Variants in PGM2L1 observed in about 807,000 individuals in gnomAD.
PGM2L1 encodes the protein glucose 1,6-bisphosphate synthase.
In PGM2L1, 35 loss-of-function variants were observed where a neutral mutation model predicts 73.4. The ratio of observed to expected loss-of-function variants is 0.48; its 90% CI spans 0.36 to 0.63. The LOEUF (loss-of-function observed/expected upper bound fraction) is 0.63, where lower values mean the gene tolerates loss of function less well. Among genes scored for constraint, PGM2L1 ranks in the 30% least tolerant of loss-of-function variants. The probability of loss-of-function intolerance (pLI) is 0.00; values close to 1 mark genes in which losing one functional copy is unlikely to be tolerated. For synonymous variants in PGM2L1, 225 were observed against 253.8 expected (o/e 0.89, Z 1.08); for missense variants, 570 against 742.0 (o/e 0.77, Z 2.69).
chr11:74,341,646 C>G (rs1862183676), intron 12 of PGM2L1, among the ~76,000 whole-genome samples: 1 of 135,232 alleles, frequency 7.4e-6, no homozygotes, highest in South Asian at 2.3e-4. Context: ...AAGCTGAGAT[C>G]ATGCCACTGC....
At chr11:74,344,889 A>G (rs2134887419) in intron 9 of PGM2L1, among the ~76,000 whole-genome samples, 1 of 152,322 alleles carries the variant, frequency 6.6e-6, no homozygotes, top group East Asian at 1.9e-4. Flanking sequence ...CTCAAGAAAA[A>G]TGTCCAGGGA....
rs370535898 is a variant in PGM2L1, at chr11:74,336,601, G to A, written c.*51C>T. On this transcript the variant is annotated 3_prime_UTR_variant, in exon 14 of 14. Coordinates refer to ENST00000298198, the MANE Select transcript of PGM2L1 (RefSeq NM_173582.6). ...ACAAGGTTCAATGTATGCAGTTCTC[G>A]GTTGCTCTGTTCCATATGCCCACAC... 43 of 1,240,418 alleles carry A rather than the reference G, an allele frequency of 3.5e-5. No individual in the cohort carries two copies. The highest frequency in any genetic ancestry group is 9.7e-5 in the East Asian group (4 of 41,394). 76.8% of individuals were successfully genotyped at this position (1,240,418 alleles called of 1,614,324 possible).
Position 74,351,422 on chromosome 11 carries a change from C to T in PGM2L1, c.710G>A (p.Arg237Lys). ...CTTTTTCAGATCTTCCATGTATCTC[C>T]TGCAAATGTCCTGCAGAGGGTCTCT... ...LKRDPLQDICRRYMEDLKKIC... is the reference protein window; with the variant it reads ...LKRDPLQDICKRYMEDLKKIC... Residue 237 changes from arginine (R) to lysine (K), a missense_variant, in exon 6 of 14, where the codon AGG (arginine) becomes AAG (lysine). Arg to Lys is a conservative substitution (Grantham distance 26). Transcript: ENST00000298198. The T allele has an allele frequency of 1.9e-6, 3 of 1,613,830 alleles. No individual in the cohort carries two copies. The highest frequency in any genetic ancestry group is 3.3e-5 in the Admixed American group (2 of 59,926).
At position 74,334,560 on chromosome 11, in the gene PGM2L1, G is replaced by A. The variant is rs1862063800; in HGVS notation, c.*2092C>T. 1 of 152,146 alleles carries A rather than the reference G, an allele frequency of 6.6e-6. No individual in the cohort carries two copies. 9.4% of individuals were successfully genotyped at this position (152,146 alleles called of 1,614,324 possible). A position where few individuals can be genotyped will look rare whatever the true frequency, so the allele number is the denominator to read the frequency against. On this transcript the variant is annotated 3_prime_UTR_variant, in exon 14 of 14. Coordinates refer to ENST00000298198, the MANE Select transcript of PGM2L1 (RefSeq NM_173582.6). ...GCTGTCTATTATCTACAGTCATACA[G>A]TCATATAAGATCCAACAATAAGAAA...
At chr11:74,336,904 CAAA>C in intron 13 of PGM2L1, 150 bp from the exon 14 acceptor site, 1 of 431,274 alleles carries the variant, frequency 2.3e-6, no homozygotes, top group Non-Finnish European at 4.0e-6. Flanking sequence ...AAAACAAGAC[CAAA>C]AAAAAAAATT....
chr11:74,372,419 A>G (rs1046002164), intron 2 of PGM2L1, among the ~76,000 whole-genome samples: 1 of 152,222 alleles, frequency 6.6e-6, no homozygotes, highest in Non-Finnish European at 1.5e-5. Flanking sequence ...AAATAATGAA[A>G]AAGTATTTCA....
At chr11:74,337,106 A>G (rs1436151641) in intron 13 of PGM2L1, among the ~76,000 whole-genome samples, 1 of 152,184 alleles carries the variant, frequency 6.6e-6, no homozygotes, top group Non-Finnish European at 1.5e-5. Context: ...AATACTTTGA[A>G]AAATATTCAG....
At chr11:74,366,405 C>T (rs2134922779) in intron 5 of PGM2L1, among the ~76,000 whole-genome samples, 1 of 144,006 alleles carries the variant, frequency 6.9e-6, no homozygotes, top group South Asian at 2.3e-4. Context: ...TTTGAGGCTA[C>T]AGTGATCATA....
intron 5 of PGM2L1, among the ~76,000 whole-genome samples, chr11:74,365,720 T>C (rs1171540325): frequency 6.6e-6 from 1 of 152,200 alleles, no homozygotes; most frequent in African/African-American, 2.4e-5. Context: ...CAACAGGTAC[T>C]GGAGAGCATG....
In PGM2L1 at chr11:74,355,573, AAAAAAAT is replaced by A. The variant is rs1565438569; in HGVS notation, c.556-4004_556-3998del. The A allele has an allele frequency of 3.8e-4, 89 of 234,158 alleles. 1 individual carries two copies. The highest frequency in any genetic ancestry group is 2.2e-3 in the East Asian group (14 of 6,344). 14.5% of individuals were successfully genotyped at this position (234,158 alleles called of 1,614,324 possible). Reference sequence around the variant, plus strand: ...CGTCTCAAAAAAAAAAAAAAAAAAAAAAAAAATTTGGATCCATGAAGGGAAGAAACTT... The same window carrying A: ...CGTCTCAAAAAAAAAAAAAAAAAAAATTGGATCCATGAAGGGAAGAAACTT... On this transcript the variant is annotated intron_variant, in intron 5 of 13. Transcript: ENST00000298198.
intron 5 of PGM2L1, 145 bp from the exon 6 acceptor site, chr11:74,351,721 G>T (rs1384051418): frequency 3.2e-6 from 2 of 630,468 alleles, no homozygotes; most frequent in Non-Finnish European, 5.1e-6. Flanking sequence ...TCAGCACTTT[G>T]GGAGGCTGAG....
intron 12 of PGM2L1, among the ~76,000 whole-genome samples, chr11:74,339,725 A>G (rs1348300309): frequency 1.3e-5 from 2 of 152,282 alleles, no homozygotes; most frequent in East Asian, 3.9e-4. Context: ...CCCACTCATC[A>G]TGCAGGCCAT....
chr11:74,351,949 G>A (rs1406164696), intron 5 of PGM2L1, among the ~76,000 whole-genome samples: 1 of 144,320 alleles, frequency 6.9e-6, no homozygotes, highest in African/African-American at 2.5e-5. Context: ...GCTACAGAGC[G>A]AGACTCTGTC....
intron 1 of PGM2L1, among the ~76,000 whole-genome samples, chr11:74,393,196 G>A (rs1159934692): frequency 6.6e-6 from 1 of 152,194 alleles, no homozygotes; most frequent in African/African-American, 2.4e-5. Flanking sequence ...AAAGCCATAT[G>A]TGTATACTGT....
intron 1 of PGM2L1, among the ~76,000 whole-genome samples, chr11:74,387,133 G>C (rs1157740471): frequency 6.6e-6 from 1 of 152,126 alleles, no homozygotes; most frequent in Non-Finnish European, 1.5e-5. Flanking sequence ...TTCTATGAGA[G>C]TTTCCAGGAT....
chr11:74,375,512 A>G (rs1862841542), intron 1 of PGM2L1, among the ~76,000 whole-genome samples: 1 of 152,228 alleles, frequency 6.6e-6, no homozygotes, highest in Non-Finnish European at 1.5e-5. Context: ...ATATGAATTC[A>G]GTCCATTCTA....
At chr11:74,390,950 G>C (rs1335646954) in intron 1 of PGM2L1, among the ~76,000 whole-genome samples, 1 of 152,128 alleles carries the variant, frequency 6.6e-6, no homozygotes, top group African/African-American at 2.4e-5. Flanking sequence ...AGAGGCTTAG[G>C]GGACGAAGAA....
chr11:74,363,512 G>C (rs971979393), intron 5 of PGM2L1, among the ~76,000 whole-genome samples: 1 of 152,002 alleles, frequency 6.6e-6, no homozygotes, highest in African/African-American at 2.4e-5. Flanking sequence ...GAATCAAATG[G>C]ACACAATAAA....
chr11:74,392,425 G>T (rs1375455400), intron 1 of PGM2L1, among the ~76,000 whole-genome samples: 1 of 151,364 alleles, frequency 6.6e-6, no homozygotes, highest in African/African-American at 2.4e-5. Context: ...GACAGAAGGA[G>T]AATACTGTGT....
Sources: gnomAD v4.1 joint callset for allele counts (sites outside exome capture counted in the v4.1 genomes callset) on GRCh38, gnomAD v4.1.1 for gene constraint, MANE v1.5 for transcripts, NCBI Gene and HGNC (gene_info 2026-07-23, HGNC 2026-07-21) for gene names.